The following BBS9 variants were observed in gnomAD, a reference collection of about 807,000 sequenced individuals.
BBS9 encodes Bardet-Biedl syndrome 9.
In BBS9, 89 loss-of-function variants were observed where a neutral mutation model predicts 117.7. That is an observed-to-expected ratio of 0.76 (90% CI 0.64 to 0.90). The LOEUF is 0.90. Ranked by LOEUF, BBS9 falls within the 40% of genes least tolerant of loss-of-function variation. The pLI is 0.00. For missense variants in BBS9, 982 were observed against 1,042.2 expected, an observed-to-expected ratio of 0.94 and a Z score of 0.80; for synonymous variants, 379 against 370.9, an observed-to-expected ratio of 1.02 and a Z score of -0.25.
intron 9 of BBS9, among the ~76,000 whole-genome samples, chr7:33,333,216 C>G (rs563975064): frequency 4.6e-5 from 7 of 152,238 alleles, no homozygotes; most frequent in South Asian, 4.1e-4. Context: ...CTCTCCCAAC[C>G]ATCCCCTCCT....
At chr7:33,522,174 C>CTTTGCTAT (rs1848723818) in intron 20 of BBS9, among the ~76,000 whole-genome samples, 1 of 152,012 alleles carries the variant, frequency 6.6e-6, no homozygotes, top group African/African-American at 2.4e-5. Context: ...GGTTCCAATT[C>CTTTGCTAT]TTTGCTATTG....
chr7:33,593,173 G>A (rs1391458222), intron 21 of BBS9, among the ~76,000 whole-genome samples: 1 of 152,136 alleles, frequency 6.6e-6, no homozygotes, highest in Non-Finnish European at 1.5e-5. Context: ...ACATTGTACT[G>A]TATAGTGAAG....
intron 19 of BBS9, among the ~76,000 whole-genome samples, chr7:33,435,861 A>G (rs1319207959): frequency 1.3e-5 from 2 of 152,102 alleles, no homozygotes; most frequent in African/African-American, 2.4e-5. Context: ...TTTTGTGTTC[A>G]TTATTATCAG....
intron 1 of BBS9, among the ~76,000 whole-genome samples, chr7:33,134,940 T>A (rs1272010528): frequency 6.6e-6 from 1 of 152,174 alleles, no homozygotes; most frequent in Admixed American, 6.5e-5. Context: ...TCATCCAGGC[T>A]GGAGTGCAGT....
chr7:33,424,533 A>G (rs1415862889), intron 19 of BBS9, among the ~76,000 whole-genome samples: 1 of 152,144 alleles, frequency 6.6e-6, no homozygotes, highest in Non-Finnish European at 1.5e-5. Context: ...CTCTCTTGTA[A>G]TGTGTGAGAA....
intron 20 of BBS9, among the ~76,000 whole-genome samples, chr7:33,513,948 C>G (rs984107274): frequency 6.6e-6 from 1 of 152,178 alleles, no homozygotes; most frequent in East Asian, 1.9e-4. Flanking sequence ...AATCATAAAA[C>G]TAATCTTGTA....
chr7:33,262,939 A>T (rs1363643083), intron 6 of BBS9, among the ~76,000 whole-genome samples: 1 of 150,946 alleles, frequency 6.6e-6, no homozygotes. Context: ...AGCACAGGAT[A>T]CTCTGAGTTA....
chr7:33,136,204 T>A (rs1341285008), intron 1 of BBS9, among the ~76,000 whole-genome samples: 1 of 152,234 alleles, frequency 6.6e-6, no homozygotes, highest in East Asian at 1.9e-4. Flanking sequence ...TATATTTATT[T>A]TATATCCTGC....
chr7:33,463,773 A>G (rs1309567223), intron 19 of BBS9, among the ~76,000 whole-genome samples: 2 of 152,142 alleles, frequency 1.3e-5, no homozygotes, highest in East Asian at 1.9e-4. Flanking sequence ...AAACAAATGT[A>G]AAGTTCCTAC....
chr7:33,244,983 T>A (rs538339666), intron 5 of BBS9, among the ~76,000 whole-genome samples: 63 of 152,306 alleles, frequency 4.1e-4, no homozygotes, highest in African/African-American at 1.4e-3. Flanking sequence ...GTACTTTGCC[T>A]GCTGATAATA....
intron 1 of BBS9, among the ~76,000 whole-genome samples, chr7:33,136,937 T>C (rs973437472): frequency 5.3e-5 from 8 of 152,208 alleles, no homozygotes; most frequent in African/African-American, 1.9e-4. Context: ...AGTGGATCTG[T>C]CTTGGCCTGG....
intron 5 of BBS9, among the ~76,000 whole-genome samples, chr7:33,204,945 C>T (rs892790307): frequency 6.6e-6 from 1 of 152,158 alleles, no homozygotes; most frequent in East Asian, 1.9e-4. Context: ...TACTTTTATA[C>T]CCAAAAGGAT....
intron 11 of BBS9, among the ~76,000 whole-genome samples, chr7:33,341,338 T>C (rs944537273): frequency 6.6e-6 from 1 of 152,158 alleles, no homozygotes; most frequent in African/African-American, 2.4e-5. Flanking sequence ...AGATTTTTGT[T>C]GGAGATTCAG....
At chr7:33,221,398 A>G (rs1790222744) in intron 5 of BBS9, among the ~76,000 whole-genome samples, 1 of 152,194 alleles carries the variant, frequency 6.6e-6, no homozygotes, top group African/African-American at 2.4e-5. Flanking sequence ...TGCGTATGAG[A>G]CTGAAATCAT....
At chr7:33,138,979 G>A (rs904386196) in intron 1 of BBS9, among the ~76,000 whole-genome samples, 19 of 151,338 alleles carry the variant, frequency 1.3e-4, no homozygotes, top group African/African-American at 4.8e-5. Context: ...GAGGCCAGGT[G>A]TGGTGGCTCA....
chr7:33,562,173 A>G (rs1291623807), intron 21 of BBS9, among the ~76,000 whole-genome samples: 2 of 152,250 alleles, frequency 1.3e-5, no homozygotes, highest in African/African-American at 2.4e-5. Flanking sequence ...GGGCATTTCA[A>G]AGAAAGACTA....
chr7:33,497,103 C>T (rs528134252), intron 19 of BBS9, among the ~76,000 whole-genome samples: 1 of 152,270 alleles, frequency 6.6e-6, no homozygotes, highest in South Asian at 2.1e-4. Context: ...CAAAGGGCTG[C>T]CATCTGAAGA....
intron 13 of BBS9, among the ~76,000 whole-genome samples, chr7:33,349,744 T>C (rs1391050591): frequency 2.6e-5 from 4 of 152,190 alleles, no homozygotes; most frequent in Non-Finnish European, 5.9e-5. Context: ...TTTTAGATAC[T>C]AAAATTTAGA....
At chr7:33,375,575 A>ATTTC (rs370471689) in intron 17 of BBS9, among the ~76,000 whole-genome samples, 1,818 of 148,100 alleles carry the variant, frequency 0.012, 40 homozygotes, top group South Asian at 0.059. Context: ...CTAATTGCAA[A>ATTTC]TTTCTTTCTT....
Sources: allele counts gnomAD v4.1 joint callset (sites outside exome capture counted in the v4.1 genomes callset), GRCh38; gene constraint gnomAD v4.1.1; transcripts MANE v1.5; gene names NCBI Gene and HGNC (gene_info 2026-07-23, HGNC 2026-07-21).